PRKG1: variants seen among roughly 807,000 people sequenced by gnomAD.
PRKG1 encodes the protein protein kinase cGMP-dependent 1.
A neutral mutation model predicts 88.1 loss-of-function variants in PRKG1; 35 were observed. The observed-to-expected ratio is 0.40, with a 90% CI of 0.30 to 0.53. The LOEUF (loss-of-function observed/expected upper bound fraction) is 0.53. Among genes scored for constraint, PRKG1 ranks in the 20% least tolerant of loss-of-function variants. The pLI is 0.59. For missense variants in PRKG1, 540 were observed against 839.8 expected, an observed-to-expected ratio of 0.64 and a Z score of 4.41; for synonymous variants, 303 against 292.5, an observed-to-expected ratio of 1.04 and a Z score of -0.37.
intron 3 of PRKG1, among the ~76,000 whole-genome samples, chr10:51,627,929 T>TCTTCCTTCCTTCCTTCCTTC (rs1193939359): frequency 9.6e-5 from 4 of 41,634 alleles, no homozygotes; most frequent in African/African-American, 1.2e-4. Flanking sequence ...TCCCTTCCTT[T>TCTTCCTTCCTTCCTTCCTTC]CTTCCTTCCT....
rs185932260 is a variant in PRKG1 at position 51,491,894 on chromosome 10, T to A, written c.592+24058T>A. ...TCTTGTAGAAGTCTTGTAGAAGTCA[T>A]CCTATTTTGCTTGTTTTTCTCCTCT... On this transcript the variant is annotated intron_variant, in intron 3 of 17. Coordinates refer to ENST00000373980, the MANE Select transcript of PRKG1 (RefSeq NM_006258.4). 2.5e-3 allele frequency among the ~76,000 whole-genome samples: 375 copies of A among 152,244 alleles called. 6 individuals carry two copies. The highest frequency in any genetic ancestry group is 6.6e-4 in the Non-Finnish European group (45 of 67,998).
intron 5 of PRKG1, among the ~76,000 whole-genome samples, chr10:52,012,550 C>A (rs969295305): frequency 2.0e-5 from 3 of 152,068 alleles, no homozygotes; most frequent in African/African-American, 7.2e-5. Flanking sequence ...CCGCGCCCAG[C>A]TAATTTTTTT....
At chr10:52,208,630 GGAGTTTCAA>G (rs1237083403) in intron 9 of PRKG1, among the ~76,000 whole-genome samples, 2 of 152,088 alleles carry the variant, frequency 1.3e-5, no homozygotes, top group Non-Finnish European at 2.9e-5. Context: ...TGTTCTACTG[GGAGTTTCAA>G]GTAACACTGT....
rs1842786938 is a variant in PRKG1, at chr10:50,991,881, C to T, written c.266+237C>T. ...AAGGCGAGCTGCACGGGGAGACGCG[C>T]CCCTGTGGCGTGGGGGTGGGGAGGA... On this transcript the variant is annotated intron_variant, in intron 1 of 17. Transcript: ENST00000401604. This position sits in a 1 kb window ranked among gnomAD's most constrained non-coding sequence, Gnocchi z 4.5. Among the ~76,000 whole-genome samples the T allele has an allele frequency of 6.6e-6, 1 of 152,134 alleles. No individual in the cohort carries two copies. Among genetic ancestry groups the T allele is most frequent in the Non-Finnish European group, 1.5e-5 (1 of 67,984 alleles).
At chr10:51,362,640 T>TTA (rs1178512616) in intron 2 of PRKG1, among the ~76,000 whole-genome samples, 1 of 151,838 alleles carries the variant, frequency 6.6e-6, no homozygotes, top group Admixed American at 6.6e-5. Flanking sequence ...TTTTATTTAT[T>TTA]TATTATACTT....
At chr10:51,655,028 C>A (rs1324197628) in intron 3 of PRKG1, among the ~76,000 whole-genome samples, 4 of 152,158 alleles carry the variant, frequency 2.6e-5, no homozygotes, top group African/African-American at 9.7e-5. Flanking sequence ...ACTTGTTAGA[C>A]TCTATACAAG....
chr10:52,166,809 G>GTATATATA (rs1329775053), intron 9 of PRKG1, among the ~76,000 whole-genome samples: 1,170 of 70,142 alleles, frequency 0.017, 45 homozygotes, highest in Middle Eastern at 0.028. Flanking sequence ...ATATATATAT[G>GTATATATA]TATATATATG....
intron 1 of PRKG1, among the ~76,000 whole-genome samples, chr10:51,005,151 G>C (rs1438043488): frequency 1.3e-5 from 2 of 151,932 alleles, no homozygotes; most frequent in African/African-American, 2.4e-5. Flanking sequence ...TCATATTAAG[G>C]GTATTCAATC....
At chr10:51,227,430 T>C (rs902831572) in intron 2 of PRKG1, among the ~76,000 whole-genome samples, 1 of 152,106 alleles carries the variant, frequency 6.6e-6, no homozygotes, top group African/African-American at 2.4e-5. Flanking sequence ...CAGGTGTTCT[T>C]GTTCTCTTTT....
chr10:51,150,280 A>G (rs899129178), intron 1 of PRKG1, among the ~76,000 whole-genome samples: 1 of 152,122 alleles, frequency 6.6e-6, no homozygotes, highest in Non-Finnish European at 1.5e-5. Context: ...TATGCATTAT[A>G]TCTTAGTTAC....
intron 12 of PRKG1, among the ~76,000 whole-genome samples, chr10:52,274,430 C>T (rs969463779): frequency 2.6e-5 from 4 of 151,734 alleles, no homozygotes; most frequent in African/African-American, 9.7e-5. Context: ...CAATTTCATC[C>T]AGTTCCCTGC....
chr10:51,412,736 GAAAACTTA>G (rs1336315139), intron 2 of PRKG1, among the ~76,000 whole-genome samples: 3 of 152,174 alleles, frequency 2.0e-5, no homozygotes, highest in African/African-American at 7.2e-5. Context: ...GTGGCTGGAA[GAAAACTTA>G]CTGAGAAACG....
At chr10:52,257,484 C>T (rs1259369804) in intron 10 of PRKG1, among the ~76,000 whole-genome samples, 1 of 140,002 alleles carries the variant, frequency 7.1e-6, no homozygotes, top group Non-Finnish European at 1.6e-5. Flanking sequence ...TTCCTACTGC[C>T]AAGCCGCACA....
At chr10:51,356,478 C>A (rs376688655) in intron 2 of PRKG1, among the ~76,000 whole-genome samples, 19 of 151,930 alleles carry the variant, frequency 1.3e-4, no homozygotes, top group Non-Finnish European at 7.4e-5. Context: ...TGGCCCTAAA[C>A]TTCTCATGAT....
chr10:51,028,200 T>C (rs1158639879), intron 1 of PRKG1, among the ~76,000 whole-genome samples: 1 of 152,210 alleles, frequency 6.6e-6, no homozygotes, highest in Non-Finnish European at 1.5e-5. Flanking sequence ...AAATCAGATA[T>C]GCTAATTTAT....
chr10:51,329,987 A>G (rs747758681), intron 2 of PRKG1, among the ~76,000 whole-genome samples: 16 of 146,508 alleles, frequency 1.1e-4, no homozygotes, highest in Middle Eastern at 3.5e-3. Context: ...GTACTTAGAT[A>G]CTTACATCAT....
chr10:51,805,244 A>G (rs1232694839), intron 4 of PRKG1, among the ~76,000 whole-genome samples: 2 of 152,018 alleles, frequency 1.3e-5, no homozygotes, highest in Non-Finnish European at 2.9e-5. Context: ...ACAGGTTTGA[A>G]ATATCAAAAG....
intron 1 of PRKG1, among the ~76,000 whole-genome samples, chr10:51,007,164 C>G (rs1006189978): frequency 6.6e-6 from 1 of 151,972 alleles, no homozygotes; most frequent in African/African-American, 2.4e-5. Flanking sequence ...CCAGGCTGGT[C>G]TTGAACTCCT....
At chr10:51,323,830 G>A (rs958268499) in intron 2 of PRKG1, among the ~76,000 whole-genome samples, 4 of 152,174 alleles carry the variant, frequency 2.6e-5, no homozygotes, top group Admixed American at 1.3e-4. Context: ...GCACGTGCCT[G>A]TAGTCCCAGC....
Sources: gnomAD v4.1 joint callset for allele counts (sites outside exome capture counted in the v4.1 genomes callset) on GRCh38, gnomAD v4.1.1 for gene constraint, Gnocchi (gnomAD v3.1) non-coding constraint, MANE v1.5 for transcripts, NCBI Gene and HGNC (gene_info 2026-07-23, HGNC 2026-07-21) for gene names.